The following CTNNA2 variants were observed in gnomAD, a reference collection of about 807,000 sequenced individuals.
CTNNA2 encodes the protein catenin alpha-2.
A neutral mutation model predicts 101.0 loss-of-function variants in CTNNA2; 42 were observed. The ratio of observed to expected loss-of-function variants is 0.42; its 90% CI spans 0.32 to 0.54. The LOEUF is 0.54. CTNNA2 is among the 20% of genes least tolerant of loss of function. CTNNA2 has a pLI of 0.14. For synonymous variants in CTNNA2, 450 were observed against 456.4 expected, an observed-to-expected ratio of 0.99 and a Z score of 0.18; for missense variants, 871 against 1,223.1, an observed-to-expected ratio of 0.71 and a Z score of 4.29.
chr2:79,212,866 C>T (rs1277948167), intron 2 of CTNNA2, among the ~76,000 whole-genome samples: 1 of 152,110 alleles, frequency 6.6e-6, no homozygotes, highest in East Asian at 1.9e-4. Context: ...AGGGAGTGGG[C>T]CTGAATAATC....
intron 7 of CTNNA2, among the ~76,000 whole-genome samples, chr2:80,083,785 A>AT (rs894969007): frequency 1.3e-5 from 2 of 151,932 alleles, no homozygotes; most frequent in African/African-American, 4.8e-5. Context: ...TCTACACTGT[A>AT]TTTTTTCATT....
chr2:80,252,652 G>C (rs1460764956), intron 7 of CTNNA2, among the ~76,000 whole-genome samples: 1 of 152,182 alleles, frequency 6.6e-6, no homozygotes, highest in African/African-American at 2.4e-5. Flanking sequence ...TGTTGACATG[G>C]ATCTGGGCAG....
chr2:79,510,219 G>A (rs1293366314), upstream of CTNNA2, among the ~76,000 whole-genome samples: 6 of 152,154 alleles, frequency 3.9e-5, no homozygotes, highest in Non-Finnish European at 7.3e-5. Flanking sequence ...TTTTTAATAT[G>A]AGTGAGGGAA....
At chr2:80,301,211 G>A (rs1264921573) in intron 7 of CTNNA2, among the ~76,000 whole-genome samples, 1 of 152,190 alleles carries the variant, frequency 6.6e-6, no homozygotes, top group African/African-American at 2.4e-5. Flanking sequence ...GGAATGTGCT[G>A]TCACTGTTTG....
At chr2:80,466,776 A>C (rs1220225897) in intron 9 of CTNNA2, among the ~76,000 whole-genome samples, 1 of 152,212 alleles carries the variant, frequency 6.6e-6, no homozygotes, top group Non-Finnish European at 1.5e-5. Context: ...CAGGATTTCC[A>C]TCAAAGAGTT....
At chr2:80,434,248 G>A (rs1401553038) in intron 9 of CTNNA2, among the ~76,000 whole-genome samples, 1 of 152,172 alleles carries the variant, frequency 6.6e-6, no homozygotes, top group Non-Finnish European at 1.5e-5. Context: ...TTTTCATGTA[G>A]TTGCTCATAA....
At chr2:79,528,031 CATT>C (rs1157103794) in intron 1 of CTNNA2, among the ~76,000 whole-genome samples, 2 of 152,274 alleles carry the variant, frequency 1.3e-5, no homozygotes, top group Non-Finnish European at 1.5e-5. Context: ...TCCTTGAAGA[CATT>C]GTGTGAAGTG....
At chr2:79,308,337 C>T (rs531682478) in intron 2 of CTNNA2, among the ~76,000 whole-genome samples, 9 of 152,228 alleles carry the variant, frequency 5.9e-5, no homozygotes, top group Non-Finnish European at 1.3e-4. Context: ...TGAGCCACAG[C>T]GCCCAGCCCA....
intron 7 of CTNNA2, among the ~76,000 whole-genome samples, chr2:80,364,758 T>C (rs922139570): frequency 7.2e-5 from 11 of 152,126 alleles, no homozygotes; most frequent in Non-Finnish European, 1.0e-4. Context: ...AGAATCCTTT[T>C]GTTAAGGAAA....
intron 7 of CTNNA2, among the ~76,000 whole-genome samples, chr2:80,259,403 C>T (rs564610274): frequency 2.8e-4 from 43 of 152,310 alleles, no homozygotes; most frequent in African/African-American, 9.6e-4. Context: ...TTCAATTCCA[C>T]CTGGTTGCTT....
chr2:80,574,324 G>A lies in CTNNA2; in HGVS notation c.1893+10G>A, dbSNP rs542603343. 103 of 1,603,260 alleles carry A rather than the reference G, an allele frequency of 6.4e-5. No homozygotes were observed. The South Asian group carries it at 1.1e-3, about 17-fold the overall frequency. The stretch of plus-strand genomic sequence containing the variant: ...TGTGCTGATGATCAGGGTATGTGAG[G>A]CCTCTGTAGCTCAGAGCTGGTCAGA... On this transcript the variant is annotated intron_variant, in intron 13 of 18. Transcript: ENST00000402739.
intron 7 of CTNNA2, among the ~76,000 whole-genome samples, chr2:80,155,031 A>T (rs1703926494): frequency 6.6e-6 from 1 of 151,910 alleles, no homozygotes; most frequent in Admixed American, 6.6e-5. Flanking sequence ...CAAAAGAACG[A>T]CTCTGTTTTG....
intron 2 of CTNNA2, among the ~76,000 whole-genome samples, chr2:79,200,191 C>G (rs1413017361): frequency 1.3e-5 from 2 of 152,092 alleles, no homozygotes; most frequent in Admixed American, 1.3e-4. Flanking sequence ...TGAGACCAGC[C>G]TGGCCAATAT....
chr2:79,771,297 CTT>C (rs1673556464), intron 3 of CTNNA2, among the ~76,000 whole-genome samples: 1 of 152,178 alleles, frequency 6.6e-6, no homozygotes, highest in South Asian at 2.1e-4. Flanking sequence ...AAGTCATTGT[CTT>C]TTAGCTCAGC....
At chr2:80,037,469 C>T (rs1162681302) in intron 7 of CTNNA2, among the ~76,000 whole-genome samples, 1 of 152,116 alleles carries the variant, frequency 6.6e-6, no homozygotes, top group Non-Finnish European at 1.5e-5. Context: ...GCAAGTGATC[C>T]TTCTTTTGTT....
rs368032933 is a variant in CTNNA2, at chr2:79,333,915, C to T, written c.-318+21119C>T. On this transcript the variant is annotated intron_variant, in intron 3 of 21. Transcript: ENST00000466387. Reference sequence around the variant, plus strand: ...ATTTTTTATATACCTGTTGGTCATTCGTATGGTGTGGTTTTGTTGCTTTTG... The same window carrying T: ...ATTTTTTATATACCTGTTGGTCATTTGTATGGTGTGGTTTTGTTGCTTTTG... 7.9e-5 allele frequency among the ~76,000 whole-genome samples: 12 copies of T among 151,946 alleles called. 1 individual carries two copies. Among genetic ancestry groups the T allele is most frequent in the Admixed American group, 7.9e-4 (12 of 15,250 alleles).
At position 80,149,988 on chromosome 2, in the gene CTNNA2, C is replaced by T. The variant is rs538145413; in HGVS notation, c.1056+240191C>T. Among the ~76,000 whole-genome samples the T allele has an allele frequency of 2.6e-5, 4 of 152,304 alleles. No individual in the cohort carries two copies. In the South Asian group the frequency reaches 8.3e-4, roughly 32 times the overall value. ...GCCTGTTCATTATCTCCTGCACCTC[C>T]ACCTGCATCTGTTGGCTTCTTGGGT... On this transcript the variant is annotated intron_variant, in intron 7 of 18. Coordinates refer to ENST00000402739, the MANE Select transcript of CTNNA2 (RefSeq NM_001282597.3).
At chr2:80,045,433 C>A (rs1696450583) in intron 7 of CTNNA2, among the ~76,000 whole-genome samples, 1 of 152,180 alleles carries the variant, frequency 6.6e-6, no homozygotes, top group Non-Finnish European at 1.5e-5. Flanking sequence ...CAAAGTACCA[C>A]AAGGGGTAAC....
At chr2:80,102,835 A>G (rs78431713) in intron 7 of CTNNA2, among the ~76,000 whole-genome samples, 3,388 of 152,250 alleles carry the variant, frequency 0.022, 124 homozygotes, top group African/African-American at 0.076. Flanking sequence ...TAAATGTAAA[A>G]AGCAACTATG....
Sources: allele counts gnomAD v4.1 joint callset (sites outside exome capture counted in the v4.1 genomes callset), GRCh38; gene constraint gnomAD v4.1.1; transcripts MANE v1.5; gene names NCBI Gene and HGNC (gene_info 2026-07-23, HGNC 2026-07-21).